Variants in AUTS2 observed in about 807,000 individuals in gnomAD.
AUTS2 encodes the protein autism susceptibility gene 2 protein.
A neutral mutation model predicts 112.4 loss-of-function variants in AUTS2; 17 were observed. That is an observed-to-expected ratio of 0.15 (90% CI 0.10 to 0.23). The LOEUF (loss-of-function observed/expected upper bound fraction) is 0.23. AUTS2 is among the 10% of genes least tolerant of loss of function. The pLI, the probability that AUTS2 is intolerant of heterozygous loss-of-function variation, is 1.00. For synonymous variants in AUTS2, 751 were observed against 702.7 expected (o/e 1.07, Z -1.09); for missense variants, 1,510 against 1,701.6 (o/e 0.89, Z 1.98).
rs761661914 is a variant in AUTS2, at chr7:70,787,356, C to T, written c.2456C>T (p.Ala819Val). The T allele has an allele frequency of 3.1e-6, 5 of 1,613,456 alleles. No individual in the cohort carries two copies. The highest frequency in any genetic ancestry group is 2.2e-5 in the East Asian group (1 of 44,872). The change falls in exon 18 of 19, where the codon GCG becomes GTG. Residue 819 changes from alanine to valine, a missense_variant. This residue lies in a region of AUTS2 where 788 missense variants were observed against 797.6 expected (regional missense o/e 0.99). Transcript: ENST00000342771. ...AAGCCAGGGGAGCTGGAGCGCAGCG[C>T]GTCCGCTGCAGCTCATGACAGAGAT... ...WLKPGELERS[A>V]SAAAHDRDRD...
At chr7:70,464,618 G>T (rs987289475) in intron 5 of AUTS2, among the ~76,000 whole-genome samples, 1 of 152,108 alleles carries the variant, frequency 6.6e-6, no homozygotes, top group Non-Finnish European at 1.5e-5. Context: ...ACCCAGAGTT[G>T]TCCCAAGAGA....
At position 70,786,880 on chromosome 7, in the gene AUTS2, C is replaced by T. The variant is rs1418516990; in HGVS notation, c.2309-329C>T. On this transcript the variant is annotated intron_variant, in intron 17 of 18. Transcript: ENST00000342771. ...TCCAAATCCCACCATCATAACACAC[C>T]CTTCTGCATGCCTGGAACTTCTGCA... is the stretch of plus-strand genomic sequence containing the variant. The T allele has an allele frequency of 7.5e-6, 3 of 400,372 alleles. No homozygotes were observed. In the East Asian group the frequency reaches 1.8e-4, roughly 24 times the overall value. The allele number at this position is 400,372 out of a possible 1,614,324, so 24.8% of individuals were successfully genotyped here.
At chr7:70,711,765 G>A (rs7796173) in intron 6 of AUTS2, among the ~76,000 whole-genome samples, 3 of 152,080 alleles carry the variant, frequency 2.0e-5, no homozygotes, top group Admixed American at 2.0e-4. Flanking sequence ...ATCCTAGAAG[G>A]GGGAGGGCGG....
At chr7:70,163,091 T>A (rs76354409) in intron 4 of AUTS2, among the ~76,000 whole-genome samples, 2 of 151,668 alleles carry the variant, frequency 1.3e-5, no homozygotes, top group East Asian at 3.9e-4. Flanking sequence ...AGGATCAGGT[T>A]TGGGAGAGGG....
At chr7:70,052,957 A>G (rs1318554384) in intron 2 of AUTS2, among the ~76,000 whole-genome samples, 1 of 152,176 alleles carries the variant, frequency 6.6e-6, no homozygotes, top group Non-Finnish European at 1.5e-5. Flanking sequence ...TTTGAGATAA[A>G]TAGTGGCCTA....
intron 5 of AUTS2, among the ~76,000 whole-genome samples, chr7:70,602,338 G>A (rs538753337): frequency 6.6e-6 from 1 of 152,328 alleles, no homozygotes; most frequent in Non-Finnish European, 1.5e-5. Context: ...CGGTTGGACT[G>A]TAGCATGATC....
chr7:70,117,842 A>G (rs960223385), intron 2 of AUTS2, among the ~76,000 whole-genome samples: 1 of 151,530 alleles, frequency 6.6e-6, no homozygotes, highest in African/African-American at 2.4e-5. Flanking sequence ...TCCGCCTCCC[A>G]GGTTCAAGCG....
chr7:70,401,138 C>T (rs1161937275), intron 4 of AUTS2, among the ~76,000 whole-genome samples: 1 of 152,122 alleles, frequency 6.6e-6, no homozygotes, highest in African/African-American at 2.4e-5. Flanking sequence ...TGGGACTTAA[C>T]AAATAATGTC....
chr7:69,926,129 T>C (rs942575208), intron 2 of AUTS2, among the ~76,000 whole-genome samples: 1 of 152,222 alleles, frequency 6.6e-6, no homozygotes, highest in Non-Finnish European at 1.5e-5. Flanking sequence ...AACGTAATTT[T>C]CTTCTGTAGT....
intron 1 of AUTS2, among the ~76,000 whole-genome samples, chr7:69,846,086 A>G (rs1471222898): frequency 2.8e-5 from 4 of 143,502 alleles, no homozygotes; most frequent in Non-Finnish European, 4.5e-5. Flanking sequence ...ATTTCTTTCA[A>G]GTTTATTTGG....
chr7:70,446,194 CT>C (rs1796309810), intron 5 of AUTS2, among the ~76,000 whole-genome samples: 1 of 152,210 alleles, frequency 6.6e-6, no homozygotes, highest in South Asian at 2.1e-4. Flanking sequence ...AGGGCCTTTT[CT>C]TTTTTAACAG....
chr7:69,940,387 C>T (rs1796580498), intron 2 of AUTS2, among the ~76,000 whole-genome samples: 1 of 152,190 alleles, frequency 6.6e-6, no homozygotes. Context: ...TAGGTGCTCT[C>T]TAGGTGAGGG....
chr7:70,455,015 C>G (rs539097779), intron 5 of AUTS2, among the ~76,000 whole-genome samples: 2 of 152,316 alleles, frequency 1.3e-5, no homozygotes, highest in Admixed American at 1.3e-4. Flanking sequence ...CTTGTTGATT[C>G]TTTGCTTCCC....
intron 4 of AUTS2, among the ~76,000 whole-genome samples, chr7:70,252,444 G>GCAA (rs756613058): frequency 3.3e-4 from 50 of 152,096 alleles, no homozygotes; most frequent in Non-Finnish European, 6.2e-4. Flanking sequence ...TTTTGACTGG[G>GCAA]TTATTTGTTT....
intron 5 of AUTS2, among the ~76,000 whole-genome samples, chr7:70,595,004 G>A (rs1289660469): frequency 2.0e-5 from 3 of 152,120 alleles, no homozygotes; most frequent in African/African-American, 7.2e-5. Context: ...GGGAAGCTAA[G>A]GCAGAAGAAT....
At chr7:69,871,522 A>G (rs1793496305) in intron 1 of AUTS2, among the ~76,000 whole-genome samples, 1 of 152,216 alleles carries the variant, frequency 6.6e-6, no homozygotes, top group Non-Finnish European at 1.5e-5. Flanking sequence ...AGAGCTAACA[A>G]CAATAACAGA....
intron 4 of AUTS2, among the ~76,000 whole-genome samples, chr7:70,396,339 A>G (rs1794081553): frequency 6.6e-6 from 1 of 151,742 alleles, no homozygotes; most frequent in South Asian, 2.1e-4. Flanking sequence ...TAGCGTGTAT[A>G]CTTTTTTGTG....
At chr7:70,265,832 C>G (rs1232350564) in intron 4 of AUTS2, among the ~76,000 whole-genome samples, 1 of 152,206 alleles carries the variant, frequency 6.6e-6, no homozygotes, top group Non-Finnish European at 1.5e-5. Context: ...TTAGGAAAAA[C>G]TGCCATCAAG....
At chr7:70,654,375 G>T (rs1806661653) in intron 5 of AUTS2, among the ~76,000 whole-genome samples, 1 of 152,150 alleles carries the variant, frequency 6.6e-6, no homozygotes, top group Non-Finnish European at 1.5e-5. Context: ...TACATAAATG[G>T]ATGGACATCA....
Sources: allele counts gnomAD v4.1 joint callset (sites outside exome capture counted in the v4.1 genomes callset), GRCh38; gene constraint gnomAD v4.1.1; regional missense constraint gnomAD v4.1.1; transcripts MANE v1.5; gene names NCBI Gene and HGNC (gene_info 2026-07-23, HGNC 2026-07-21).